The following COL4A1 variants were observed in gnomAD, a reference collection of about 807,000 sequenced individuals.
COL4A1 encodes the protein collagen alpha-1(IV) chain.
Under a neutral mutation model 216.6 loss-of-function variants are expected in COL4A1, and 40 were observed. The ratio of observed to expected loss-of-function variants is 0.18; its 90% CI spans 0.14 to 0.24. The LOEUF (loss-of-function observed/expected upper bound fraction) is 0.24, where lower values mean the gene tolerates loss of function less well. COL4A1 is among the 10% of genes least tolerant of loss of function. The pLI is 1.00. For synonymous variants in COL4A1, 839 were observed against 810.7 expected, an observed-to-expected ratio of 1.03 and a Z score of -0.59; for missense variants, 1,628 against 2,196.8, an observed-to-expected ratio of 0.74 and a Z score of 5.18.
At chr13:110,253,683 C>A (rs1338969915) in intron 1 of COL4A1, among the ~76,000 whole-genome samples, 1 of 124,140 alleles carries the variant, frequency 8.1e-6, no homozygotes, top group East Asian at 2.2e-4. Context: ...GTATGTATTA[C>A]ATATACATAT....
chr13:110,234,108 C>G (rs1407563432), intron 2 of COL4A1, among the ~76,000 whole-genome samples: 1 of 152,188 alleles, frequency 6.6e-6, no homozygotes, highest in Non-Finnish European at 1.5e-5. Flanking sequence ...CTTAAGTGCT[C>G]TTATGTACAG....
At chr13:110,227,875 G>A (rs553459469) in intron 2 of COL4A1, among the ~76,000 whole-genome samples, 13 of 152,334 alleles carry the variant, frequency 8.5e-5, no homozygotes, top group Non-Finnish European at 1.5e-4. Context: ...AGGACAGGGA[G>A]GCAGCCCTGT....
intron 1 of COL4A1, among the ~76,000 whole-genome samples, chr13:110,281,010 A>C (rs1056496301): frequency 6.6e-6 from 1 of 152,144 alleles, no homozygotes; most frequent in Non-Finnish European, 1.5e-5. Context: ...TCCTCACCCC[A>C]ACCATGTGTC....
At chr13:110,248,522 C>T (rs549033495) in intron 1 of COL4A1, among the ~76,000 whole-genome samples, 2 of 152,018 alleles carry the variant, frequency 1.3e-5, no homozygotes, top group East Asian at 1.9e-4. Context: ...GCTGGGGTCT[C>T]GCTCTGTGGC....
rs1876410052 is a variant in COL4A1, at chr13:110,149,642, T to C, written c.*721A>G. ...AGTCTTTCAAAGGAAGAAAACTATG[T>C]AAGCTTTATTTTAACAGTGGAAGTT... is the stretch of plus-strand genomic sequence containing the variant. On this transcript the variant is annotated 3_prime_UTR_variant, in exon 52 of 52. Transcript: ENST00000375820. 6.6e-6 allele frequency: 1 copy of C among 152,590 alleles called. No individual in the cohort carries two copies. Among genetic ancestry groups the C allele is most frequent in the African/African-American group, 2.4e-5 (1 of 41,450 alleles). The allele number at this position is 152,590 out of a possible 1,614,324, so 9.5% of individuals were successfully genotyped here. A position where few individuals can be genotyped will look rare whatever the true frequency, so the allele number is the denominator to read the frequency against.
At position 110,253,047 on chromosome 13, in the gene COL4A1, AAG is replaced by A. The variant is rs1414067076; in HGVS notation, c.85-10315_85-10314del. Reference sequence around the variant, plus strand: ...ATGTATTACATATACATATAACTATAAGTACGTATGTATTACATATACATATA... The same window carrying A: ...ATGTATTACATATACATATAACTATATACGTATGTATTACATATACATATA... On this transcript the variant is annotated intron_variant, in intron 1 of 51. Coordinates refer to ENST00000375820, the MANE Select transcript of COL4A1 (RefSeq NM_001845.6). Among the ~76,000 whole-genome samples the A allele has an allele frequency of 8.6e-3, 726 of 84,738 alleles. 85 individuals carry two copies. Among genetic ancestry groups the A allele is most frequent in the South Asian group, 0.025 (47 of 1,902 alleles). 55.6% of individuals were successfully genotyped at this position (84,738 alleles called of 152,430 possible).
intron 38 of COL4A1, 23 bp downstream of exon 38, chr13:110,174,600 C>G: frequency 2.5e-6 from 4 of 1,614,092 alleles, no homozygotes; most frequent in Non-Finnish European, 2.5e-6. Context: ...TCCCCAAGTC[C>G]AAGAGAAGCC....
intron 4 of COL4A1, 128 bp downstream of exon 4, chr13:110,213,654 G>T: frequency 1.1e-6 from 1 of 934,274 alleles, no homozygotes; most frequent in Non-Finnish European, 1.7e-6. Flanking sequence ...CTGCCTGCCC[G>T]TGCTGTGTGA....
chr13:110,153,307 C>T lies in COL4A1; in HGVS notation c.4756-801G>A, dbSNP rs543579637. ...GGAGCAGAGGCAAGGACGGGGTCTC[C>T]AGACCTCCAGATCAGAGCCACCGTC... is the stretch of plus-strand genomic sequence containing the variant. On this transcript the variant is annotated intron_variant, in intron 50 of 51. Coordinates refer to ENST00000375820, the MANE Select transcript of COL4A1 (RefSeq NM_001845.6). Among the ~76,000 whole-genome samples, 8 of 152,338 alleles carry T rather than the reference C, an allele frequency of 5.3e-5. No individual in the cohort carries two copies. The East Asian group carries it at 1.5e-3, about 29-fold the overall frequency.
chr13:110,249,117 T>C (rs1224392165), intron 1 of COL4A1, among the ~76,000 whole-genome samples: 1 of 152,052 alleles, frequency 6.6e-6, no homozygotes, highest in East Asian at 1.9e-4. Flanking sequence ...GATCCCATCA[T>C]ATGAAATTCA....
chr13:110,169,464 GAA>G (rs1159749712), intron 43 of COL4A1, among the ~76,000 whole-genome samples, 163 bp downstream of exon 43: 3 of 149,250 alleles, frequency 2.0e-5, no homozygotes, highest in African/African-American at 7.4e-5. Flanking sequence ...AAGAAAGAAA[GAA>G]AGAACTGATT....
intron 47 of COL4A1, among the ~76,000 whole-genome samples, chr13:110,163,054 G>A (rs113755174): frequency 1.3e-5 from 2 of 152,280 alleles, no homozygotes; most frequent in Admixed American, 6.5e-5. Flanking sequence ...AGCCTTCACC[G>A]GACACTCGAG....
At chr13:110,261,077 T>C (rs1420393020) in intron 1 of COL4A1, among the ~76,000 whole-genome samples, 3 of 148,376 alleles carry the variant, frequency 2.0e-5, no homozygotes, top group African/African-American at 5.0e-5. Context: ...ACATTTTCTG[T>C]TATGTGTATT....
rs139713548 is a variant in COL4A1, at chr13:110,201,608, C to T, written c.1000-86G>A. 1,742 of 1,148,128 alleles carry T rather than the reference C, an allele frequency of 1.5e-3. 4 individuals carry two copies. The highest frequency in any genetic ancestry group is 5.9e-3 in the East Asian group (253 of 42,800). The allele number at this position is 1,148,128 out of a possible 1,614,324, so 71.1% of individuals were successfully genotyped here. A position where few individuals can be genotyped will look rare whatever the true frequency, so the allele number is the denominator to read the frequency against. On this transcript the variant is annotated intron_variant, in intron 18 of 51. Coordinates refer to ENST00000375820, the MANE Select transcript of COL4A1 (RefSeq NM_001845.6). ...AAAGCAGTATGAGTGAAGAAATGTA[C>T]ATATTTGTTTTTATTTCAAGAAATA...
chr13:110,238,652 C>A (rs1020086331), intron 2 of COL4A1, among the ~76,000 whole-genome samples: 1 of 152,196 alleles, frequency 6.6e-6, no homozygotes, highest in Non-Finnish European at 1.5e-5. Flanking sequence ...TTTATGTACA[C>A]CAGTCTTCCA....
chr13:110,170,287 C>T (rs1475814382), intron 42 of COL4A1, among the ~76,000 whole-genome samples: 4 of 152,196 alleles, frequency 2.6e-5, no homozygotes, highest in Admixed American at 2.0e-4. Flanking sequence ...TTAAGTCCAA[C>T]GCCACCGACG....
At chr13:110,243,189 A>C (rs1298277027) in intron 1 of COL4A1, among the ~76,000 whole-genome samples, 1 of 152,238 alleles carries the variant, frequency 6.6e-6, no homozygotes. Context: ...GCGCAAAAAA[A>C]AGTTTGTACA....
chr13:110,162,855 C>T (rs538025270), intron 47 of COL4A1, among the ~76,000 whole-genome samples: 18 of 152,330 alleles, frequency 1.2e-4, no homozygotes, highest in African/African-American at 4.3e-4. Context: ...TATTAAACAA[C>T]CTCATCTTAA....
At position 110,209,385 on chromosome 13, in the gene COL4A1, C is replaced by A. The variant is rs1269802022; in HGVS notation, c.651+7G>T. ...GCCAAAGAACAAAAAATGAAAAGAACTTTTACCTTTTCACCTGGAGGGCCG... is the reference window on the plus strand; with the variant it reads ...GCCAAAGAACAAAAAATGAAAAGAAATTTTACCTTTTCACCTGGAGGGCCG... On this transcript the variant is annotated splice_region_variant and intron_variant, in intron 11 of 51. Coordinates refer to ENST00000375820, the MANE Select transcript of COL4A1 (RefSeq NM_001845.6). The A allele has an allele frequency of 1.2e-6, 2 of 1,611,496 alleles. No homozygotes were observed. The highest frequency in any genetic ancestry group is 1.3e-5 in the African/African-American group (1 of 74,798).
Sources: allele counts gnomAD v4.1 joint callset (sites outside exome capture counted in the v4.1 genomes callset), GRCh38; gene constraint gnomAD v4.1.1; transcripts MANE v1.5; gene names NCBI Gene and HGNC (gene_info 2026-07-23, HGNC 2026-07-21).